KLHL13: variants seen among roughly 807,000 people sequenced by gnomAD.
The protein encoded by KLHL13 is kelch like family member 13, also known as kelch-like protein 13.
KLHL13 carries 10 observed loss-of-function variants against 37.1 expected under a neutral mutation model. The observed-to-expected ratio is 0.27, with a 90% CI of 0.17 to 0.46. The LOEUF (loss-of-function observed/expected upper bound fraction) is 0.46, where lower values mean the gene tolerates loss of function less well. Ranked by LOEUF, KLHL13 falls within the 20% of genes least tolerant of loss-of-function variation. The pLI is 1.00. For missense variants in KLHL13, 360 were observed against 509.3 expected, an observed-to-expected ratio of 0.71 and a Z score of 2.82; for synonymous variants, 163 against 181.2, an observed-to-expected ratio of 0.90 and a Z score of 0.81.
At chrX:118,019,369 C>T (rs28594677) in intron 1 of KLHL13, among the ~76,000 whole-genome samples, 6,629 of 109,795 alleles carry the variant, frequency 0.06, 416 homozygotes, top group African/African-American at 0.17. Context: ...TTTGTTTGAG[C>T]TCATTGTAGA....
At chrX:117,907,056 A>C (rs769364414) in intron 5 of KLHL13, among the ~76,000 whole-genome samples, 3 of 111,743 alleles carry the variant, frequency 2.7e-5, no homozygotes, top group Non-Finnish European at 1.9e-5. Flanking sequence ...ATACCCTAAG[A>C]AAAGCATGAT....
intron 1 of KLHL13, among the ~76,000 whole-genome samples, chrX:118,104,307 A>G (rs1356011554): frequency 1.8e-5 from 2 of 111,395 alleles, no homozygotes; most frequent in Non-Finnish European, 3.8e-5. Context: ...TTTTACCTCA[A>G]TCATCTGTCC....
chrX:118,101,965 T>C (rs1349769891), intron 1 of KLHL13, among the ~76,000 whole-genome samples: 1 of 111,809 alleles, frequency 8.9e-6, no homozygotes, highest in East Asian at 2.8e-4. Context: ...GTCTTGGGTA[T>C]TTCTTTATAG....
intron 1 of KLHL13, among the ~76,000 whole-genome samples, chrX:118,021,937 G>T (rs954713988): frequency 8.9e-6 from 1 of 111,847 alleles, no homozygotes; most frequent in Non-Finnish European, 1.9e-5. Context: ...TCTAACTGGC[G>T]TGAGATGGTA....
chrX:117,927,048 G>T (rs1332445172), intron 2 of KLHL13, among the ~76,000 whole-genome samples: 1 of 107,904 alleles, frequency 9.3e-6, no homozygotes, highest in African/African-American at 3.4e-5. Flanking sequence ...TGGGACTATA[G>T]GCGCATGCCG....
At chrX:117,958,158 C>T (rs1260052648) in intron 1 of KLHL13, among the ~76,000 whole-genome samples, 2 of 111,045 alleles carry the variant, frequency 1.8e-5, no homozygotes, top group Non-Finnish European at 3.8e-5. Flanking sequence ...CCCCATTATT[C>T]GGTGGATACA....
chrX:117,999,837 C>T (rs1380688919), intron 1 of KLHL13, among the ~76,000 whole-genome samples: 1 of 111,423 alleles, frequency 9.0e-6, no homozygotes, highest in African/African-American at 3.3e-5. Flanking sequence ...CGGAGAAATA[C>T]TGTTTTTAAG....
chrX:118,004,111 A>G (rs1224491870), intron 1 of KLHL13, among the ~76,000 whole-genome samples: 1 of 111,544 alleles, frequency 9.0e-6, no homozygotes, highest in Non-Finnish European at 1.9e-5. Flanking sequence ...AATAAGAGAC[A>G]TGTTTCTTAA....
intron 1 of KLHL13, among the ~76,000 whole-genome samples, chrX:117,978,829 G>A (rs1474645625): frequency 2.1e-5 from 2 of 93,534 alleles, no homozygotes; most frequent in African/African-American, 8.4e-5. Flanking sequence ...ATGCTTCAAA[G>A]TATTCCCATC....
At chrX:118,102,030 A>G (rs1469412133) in intron 1 of KLHL13, among the ~76,000 whole-genome samples, 1 of 111,867 alleles carries the variant, frequency 8.9e-6, no homozygotes, top group African/African-American at 3.2e-5. Flanking sequence ...GTAAGAGAGC[A>G]TGGCTAGTTT....
At chrX:117,909,435 A>C (rs1313051681) in exon 5 of KLHL13, 5 of 1,209,713 alleles carry the variant, frequency 4.1e-6, no homozygotes, top group Non-Finnish European at 5.6e-6. Context: ...AAATCTGAAG[A>C]CTGTATCAAC....
intron 2 of KLHL13, among the ~76,000 whole-genome samples, chrX:117,922,600 G>T (rs2147705772): frequency 9.0e-6 from 1 of 111,655 alleles, no homozygotes; most frequent in African/African-American, 3.3e-5. Context: ...ATAATAAAAT[G>T]AGTTGTGCTT....
chrX:118,021,574 A>C (rs1355681122), intron 1 of KLHL13, among the ~76,000 whole-genome samples: 2 of 110,411 alleles, frequency 1.8e-5, no homozygotes, highest in Admixed American at 9.6e-5. Flanking sequence ...TGAACTCATC[A>C]TTTTTTATGG....
At chrX:117,982,949 G>C (rs1265564539) in intron 1 of KLHL13, among the ~76,000 whole-genome samples, 1 of 112,128 alleles carries the variant, frequency 8.9e-6, no homozygotes. Context: ...CTGAAAGTAA[G>C]GTCTCCAGCT....
At chrX:118,031,480 T>TAGATATATATATTTAGATATATATAG (rs1298202773) in intron 1 of KLHL13, among the ~76,000 whole-genome samples, 17 of 90,827 alleles carry the variant, frequency 1.9e-4, no homozygotes, top group Admixed American at 3.9e-4. Flanking sequence ...GATATATATA[T>TAGATATATATATTTAGATATATATAG]AGATATATAT....
intron 1 of KLHL13, 73 bp from the exon 2 acceptor site, chrX:118,028,570 A>G (rs2054299806): frequency 4.1e-6 from 2 of 492,004 alleles, no homozygotes; most frequent in Non-Finnish European, 3.4e-6. Context: ...TGTTTTTATA[A>G]TATTTTTATA....
chrX:118,043,234 CA>C (rs1342504120), intron 1 of KLHL13, among the ~76,000 whole-genome samples: 1 of 111,413 alleles, frequency 9.0e-6, no homozygotes, highest in Non-Finnish European at 1.9e-5. Flanking sequence ...AATGAGATTG[CA>C]ACTGTAATAA....
chrX:117,922,069 GTC>G (rs1356821023), intron 2 of KLHL13, among the ~76,000 whole-genome samples: 3 of 111,570 alleles, frequency 2.7e-5, no homozygotes, highest in African/African-American at 9.8e-5. Flanking sequence ...TTCGTCTGCT[GTC>G]TCTGTTATTT....
chrX:118,095,098 A>G (rs1165454046), intron 1 of KLHL13, among the ~76,000 whole-genome samples: 1 of 111,889 alleles, frequency 8.9e-6, no homozygotes, highest in African/African-American at 3.2e-5. Flanking sequence ...AGACTGGCAA[A>G]TTGGATAAAG....
Sources: gnomAD v4.1 joint callset for allele counts (sites outside exome capture counted in the v4.1 genomes callset) on GRCh38, gnomAD v4.1.1 for gene constraint, MANE v1.5 for transcripts, NCBI Gene and HGNC (gene_info 2026-07-23, HGNC 2026-07-21) for gene names.